The following EML6 variants were observed in gnomAD, a reference collection of about 807,000 sequenced individuals.
EML6 encodes echinoderm microtubule-associated protein-like 6.
In EML6, 154 loss-of-function variants were observed where a neutral mutation model predicts 240.1. That is an observed-to-expected ratio of 0.64 (90% CI 0.56 to 0.73). The LOEUF is 0.73. Ranked by LOEUF, EML6 falls within the 30% of genes least tolerant of loss-of-function variation. The probability of loss-of-function intolerance (pLI) is 0.00; values close to 1 mark genes in which losing one functional copy is unlikely to be tolerated. For missense variants in EML6, 2,964 were observed against 2,474.6 expected (o/e 1.20, Z -4.20); for synonymous variants, 1,148 against 899.0 (o/e 1.28, Z -4.95).
At chr2:54,755,719 G>A (rs1029166737) in intron 2 of EML6, among the ~76,000 whole-genome samples, 9 of 152,170 alleles carry the variant, frequency 5.9e-5, no homozygotes, top group African/African-American at 1.9e-4. Flanking sequence ...GGAGTGCAGT[G>A]GTGTGATCTC....
At chr2:54,884,235 G>A (rs570326612) in intron 17 of EML6, among the ~76,000 whole-genome samples, 56 of 152,264 alleles carry the variant, frequency 3.7e-4, no homozygotes, top group African/African-American at 1.3e-3. Flanking sequence ...TATTACAAAG[G>A]TTATGGTTGG....
At chr2:54,962,499 C>G in intron 35 of EML6, 24 bp from the exon 36 acceptor site, 1 of 1,514,174 alleles carries the variant, frequency 6.6e-7, no homozygotes, top group South Asian at 1.3e-5. Flanking sequence ...TGTCCTTTTT[C>G]TAATAGTGTT....
chr2:54,960,173 T>C, intron 34 of EML6, 47 bp from the exon 35 acceptor site: 1 of 1,361,766 alleles, frequency 7.3e-7, no homozygotes, highest in Non-Finnish European at 1.0e-6. Flanking sequence ...GGGTAGTGGG[T>C]CTTAGGATGA....
rs565474247 is a variant in EML6 at position 54,933,700 on chromosome 2, C to A, written c.4004+4949C>A. Among the ~76,000 whole-genome samples the A allele has an allele frequency of 2.6e-5, 4 of 152,168 alleles. No homozygotes were observed. In the East Asian group the frequency reaches 7.7e-4, roughly 29 times the overall value. ...CAAGCCAAGATGGCACTGCTGCACT[C>A]CAGCCTGGGTGACAGAGTGAGACTC... is the stretch of plus-strand genomic sequence containing the variant. On this transcript the variant is annotated intron_variant, in intron 28 of 41. Transcript: ENST00000356458.
At chr2:54,776,949 C>G (rs1668629234) in intron 2 of EML6, among the ~76,000 whole-genome samples, 1 of 152,084 alleles carries the variant, frequency 6.6e-6, no homozygotes, top group Admixed American at 6.5e-5. Flanking sequence ...TTAAGAGATT[C>G]TTTGGTTTAA....
chr2:54,739,980 G>A (rs1000407715), intron 2 of EML6, among the ~76,000 whole-genome samples: 2 of 152,190 alleles, frequency 1.3e-5, no homozygotes, highest in Non-Finnish European at 2.9e-5. Flanking sequence ...AAGGCAGGTA[G>A]GTGTAACGTA....
In EML6 at chr2:54,891,096, C is replaced by T. The variant is rs539383416; in HGVS notation, c.2481C>T (p.His827=). Residue 827 remains histidine, a synonymous_variant, in exon 18 of 42, where the codon CAC becomes CAT. Transcript: ENST00000356458. ...TATTTGTGGTAAAGTGTAACCCACA[C>T]CATGTTGACAAACTGGTTACAGTTG... is the stretch of plus-strand genomic sequence containing the variant. ...DKIFVVKCNP[H]HVDKLVTVGI... is the part of the protein sequence containing the mutation. 9.3e-5 allele frequency: 140 copies of T among 1,510,214 alleles called. No homozygotes were observed. The highest frequency in any genetic ancestry group is 1.2e-4 in the Non-Finnish European group (137 of 1,115,632). 93.6% of individuals were successfully genotyped at this position (1,510,214 alleles called of 1,614,324 possible).
chr2:54,827,381 T>G (rs1572961149), intron 5 of EML6, among the ~76,000 whole-genome samples, 185 bp from the exon 6 acceptor site: 1 of 152,194 alleles, frequency 6.6e-6, no homozygotes, highest in Non-Finnish European at 1.5e-5. Context: ...TTTTCTTATG[T>G]TCCTGGTAGT....
chr2:54,788,970 C>A (rs542294723), intron 2 of EML6, among the ~76,000 whole-genome samples: 1 of 152,154 alleles, frequency 6.6e-6, no homozygotes, highest in Non-Finnish European at 1.5e-5. Context: ...TCCGCCCCAC[C>A]CCCTTTGCCA....
chr2:54,793,023 T>G (rs1669541015), intron 2 of EML6, among the ~76,000 whole-genome samples: 1 of 152,196 alleles, frequency 6.6e-6, no homozygotes, highest in South Asian at 2.1e-4. Flanking sequence ...ATCTCAGCAC[T>G]TTAGGAGGCT....
At chr2:54,939,828 G>T (rs985670699) in intron 28 of EML6, among the ~76,000 whole-genome samples, 1 of 152,236 alleles carries the variant, frequency 6.6e-6, no homozygotes, top group African/African-American at 2.4e-5. Context: ...TCTCTGTGAA[G>T]AGAGGGGAAA....
rs903107968 is a variant in EML6 at position 54,951,043 on chromosome 2, C to T, written c.4213+264C>T. On this transcript the variant is annotated intron_variant, in intron 30 of 41. Transcript: ENST00000356458. ...CCATGTTGACACCAGCCTCTGTAAC[C>T]GACAGCCATGGAGAAAAGCAAGAGA... Among the ~76,000 whole-genome samples the T allele has an allele frequency of 6.6e-5, 10 of 152,060 alleles. 1 individual carries two copies. Among genetic ancestry groups the T allele is most frequent in the Admixed American group, 2.6e-4 (4 of 15,262 alleles).
chr2:54,869,367 G>T lies in EML6; in HGVS notation c.2238G>T (p.Gln746His), dbSNP rs1671137553. 1 of 1,544,806 alleles carries T rather than the reference G, an allele frequency of 6.5e-7. No individual in the cohort carries two copies. The highest frequency in any genetic ancestry group is 1.4e-5 in the African/African-American group (1 of 72,882). Residue 746 changes from glutamine to histidine, a missense_variant and splice_region_variant, in exon 15 of 42, where the codon CAG becomes CAT. Physicochemically the swap from Gln to His is conservative, Grantham distance 24. Coordinates refer to ENST00000356458, the MANE Select transcript of EML6 (RefSeq NM_001039753.4). ...HPVKDYVATG[Q>H]VGRDAAIHVW... ...TGAAGGACTATGTGGCTACTGGGCA[G>T]GTATCTATCTCCTGTAAACTAGGGC...
intron 41 of EML6, 46 bp from the exon 42 acceptor site, chr2:54,970,025 T>C: frequency 6.5e-7 from 1 of 1,549,212 alleles, no homozygotes; most frequent in Non-Finnish European, 8.7e-7. Flanking sequence ...TTGACACAAG[T>C]ATGATGTCCA....
chr2:54,864,050 A>T (rs1310585723), intron 13 of EML6, among the ~76,000 whole-genome samples, 161 bp downstream of exon 13: 1 of 152,226 alleles, frequency 6.6e-6, no homozygotes, highest in Non-Finnish European at 1.5e-5. Context: ...GTTAAAACCG[A>T]CGTGTTTACC....
intron 24 of EML6, among the ~76,000 whole-genome samples, chr2:54,905,920 C>A (rs916683580): frequency 3.3e-4 from 50 of 152,148 alleles, no homozygotes; most frequent in Non-Finnish European, 5.7e-4. Flanking sequence ...TTTTGCTTAT[C>A]TATTTGTTGA....
At chr2:54,836,685 T>C (rs560851868) in intron 7 of EML6, among the ~76,000 whole-genome samples, 11 of 152,282 alleles carry the variant, frequency 7.2e-5, no homozygotes, top group African/African-American at 2.6e-4. Flanking sequence ...GGCTGAGGTC[T>C]GGGCAGTCAC....
intron 22 of EML6, 75 bp downstream of exon 22, chr2:54,899,857 A>G (rs1672964060): frequency 2.1e-6 from 3 of 1,407,128 alleles, no homozygotes; most frequent in South Asian, 2.8e-5. Context: ...TCACTCAGTT[A>G]ATATTTACTG....
chr2:54,845,130 G>A (rs748428897), intron 8 of EML6, among the ~76,000 whole-genome samples: 2 of 152,116 alleles, frequency 1.3e-5, no homozygotes, highest in Admixed American at 6.5e-5. Flanking sequence ...TTTATGAGTC[G>A]CATCAAAATA....
Sources: allele counts gnomAD v4.1 joint callset (sites outside exome capture counted in the v4.1 genomes callset), GRCh38; gene constraint gnomAD v4.1.1; transcripts MANE v1.5; gene names NCBI Gene and HGNC (gene_info 2026-07-23, HGNC 2026-07-21).